The following ZSWIM6 variants were observed in gnomAD, a reference collection of about 807,000 sequenced individuals.
ZSWIM6 encodes the protein zinc finger SWIM domain-containing protein 6.
Under a neutral mutation model 113.2 loss-of-function variants are expected in ZSWIM6, and 9 were observed. The ratio of observed to expected loss-of-function variants is 0.08; its 90% CI spans 0.05 to 0.14. The LOEUF is 0.14. Among genes scored for constraint, ZSWIM6 ranks in the 10% least tolerant of loss-of-function variants. The pLI, the probability that ZSWIM6 is intolerant of heterozygous loss-of-function variation, is 1.00. For missense variants in ZSWIM6, 1,162 were observed against 1,552.2 expected, an observed-to-expected ratio of 0.75 and a Z score of 4.22; for synonymous variants, 611 against 606.5, an observed-to-expected ratio of 1.01 and a Z score of -0.11.
At chr5:61,529,131 C>G (rs1266928486) in intron 7 of ZSWIM6, among the ~76,000 whole-genome samples, 2 of 152,136 alleles carry the variant, frequency 1.3e-5, no homozygotes, top group African/African-American at 4.8e-5. Flanking sequence ...CGCTTGAACC[C>G]GGGAGGTGGA....
rs116325508 is a variant in ZSWIM6 at position 61,344,848 on chromosome 5, A to C, written c.676+11900A>C. 7.7e-3 allele frequency among the ~76,000 whole-genome samples: 1,179 copies of C among 152,278 alleles called. 9 individuals are homozygous for C. The highest frequency in any genetic ancestry group is 0.027 in the African/African-American group (1,128 of 41,550). ...AACTTTCAGATATCAAACAAAACTA[A>C]ATTTCAGACATATTCTGTGCTGTGG... On this transcript the variant is annotated intron_variant, in intron 1 of 13. Transcript: ENST00000252744.
chr5:61,534,123 C>T (rs1749514928), intron 9 of ZSWIM6, among the ~76,000 whole-genome samples: 1 of 152,040 alleles, frequency 6.6e-6, no homozygotes, highest in African/African-American at 2.4e-5. Flanking sequence ...ACATATTTAG[C>T]CTGTAACAGT....
intron 10 of ZSWIM6, among the ~76,000 whole-genome samples, chr5:61,535,875 C>G (rs1004261205): frequency 2.6e-5 from 4 of 152,160 alleles, no homozygotes; most frequent in African/African-American, 9.7e-5. Flanking sequence ...TTTCGTGAAG[C>G]ACAATTCAAG....
intron 1 of ZSWIM6, among the ~76,000 whole-genome samples, chr5:61,360,519 G>A (rs2112052256): frequency 6.6e-6 from 1 of 152,318 alleles, no homozygotes; most frequent in South Asian, 2.1e-4. Flanking sequence ...GTGAATCCAG[G>A]CAGTGTGGTT....
intron 1 of ZSWIM6, among the ~76,000 whole-genome samples, chr5:61,408,359 G>A (rs952561631): frequency 1.3e-5 from 2 of 152,168 alleles, no homozygotes; most frequent in Non-Finnish European, 2.9e-5. Flanking sequence ...TGAAGCTATT[G>A]TCTCTTGACA....
intron 4 of ZSWIM6, among the ~76,000 whole-genome samples, chr5:61,506,596 A>AT (rs905894703): frequency 6.6e-6 from 1 of 151,950 alleles, no homozygotes; most frequent in African/African-American, 2.4e-5. Flanking sequence ...AAAAAAAGTT[A>AT]TTTTCCAAAC....
At chr5:61,434,239 A>G (rs1011665260) in intron 1 of ZSWIM6, among the ~76,000 whole-genome samples, 1 of 148,936 alleles carries the variant, frequency 6.7e-6, no homozygotes, top group Non-Finnish European at 1.5e-5. Flanking sequence ...ACATATATAC[A>G]CATAGTAAAA....
chr5:61,444,514 A>T (rs1381471335), intron 1 of ZSWIM6, among the ~76,000 whole-genome samples: 1 of 152,110 alleles, frequency 6.6e-6, no homozygotes, highest in African/African-American at 2.4e-5. Flanking sequence ...ATCCCTGAGA[A>T]ATCGCCACAC....
At chr5:61,424,876 C>T (rs747036468) in intron 1 of ZSWIM6, among the ~76,000 whole-genome samples, 5 of 151,866 alleles carry the variant, frequency 3.3e-5, no homozygotes, top group South Asian at 2.1e-4. Flanking sequence ...TACAGGCGCC[C>T]GCCACCACGC....
intron 5 of ZSWIM6, among the ~76,000 whole-genome samples, chr5:61,524,101 A>G (rs1235147959): frequency 1.3e-5 from 2 of 152,256 alleles, no homozygotes; most frequent in Non-Finnish European, 2.9e-5. Flanking sequence ...TGAAATGACA[A>G]AAGATACTTA....
intron 1 of ZSWIM6, among the ~76,000 whole-genome samples, chr5:61,434,178 A>G (rs1241574384): frequency 2.0e-5 from 3 of 147,540 alleles, no homozygotes; most frequent in Non-Finnish European, 4.5e-5. Context: ...TATATATACT[A>G]TATATAACAT....
At chr5:61,517,801 A>AT (rs1172217933) in intron 4 of ZSWIM6, among the ~76,000 whole-genome samples, 22 of 149,844 alleles carry the variant, frequency 1.5e-4, no homozygotes, top group South Asian at 4.2e-4. Context: ...TTATTTATTT[A>AT]TTATTATTAT....
intron 1 of ZSWIM6, among the ~76,000 whole-genome samples, chr5:61,434,283 C>T (rs1746654348): frequency 6.7e-6 from 1 of 149,972 alleles, no homozygotes; most frequent in Non-Finnish European, 1.5e-5. Context: ...CTTTTTAATA[C>T]TACAGTTACT....
At position 61,474,160 on chromosome 5, in the gene ZSWIM6, G is replaced by A. The variant is rs545072181; in HGVS notation, c.1033+1123G>A. On this transcript the variant is annotated intron_variant, in intron 2 of 13. Coordinates refer to ENST00000252744, the MANE Select transcript of ZSWIM6 (RefSeq NM_020928.2). ...GTTTTATAGTAATCACTTCTTTGGC[G>A]GTTTGTGTTTTGTTGTTTTTGACAT... is the stretch of plus-strand genomic sequence containing the variant. Among the ~76,000 whole-genome samples, 7 of 152,036 alleles carry A rather than the reference G, an allele frequency of 4.6e-5. No homozygotes were observed. In the East Asian group the frequency reaches 7.7e-4, roughly 17 times the overall value.
chr5:61,541,701 G>A (rs922716027), intron 12 of ZSWIM6, among the ~76,000 whole-genome samples, 183 bp from the exon 13 acceptor site: 1 of 152,232 alleles, frequency 6.6e-6, no homozygotes, highest in Non-Finnish European at 1.5e-5. Context: ...GCTGTGGCAA[G>A]GCCACCTGGG....
chr5:61,396,601 A>G (rs969840775), intron 1 of ZSWIM6, among the ~76,000 whole-genome samples: 6 of 151,844 alleles, frequency 4.0e-5, no homozygotes, highest in African/African-American at 1.5e-4. Flanking sequence ...TTTAACTTGG[A>G]AATTCTGAAC....
At chr5:61,353,873 G>A (rs1744841505) in intron 1 of ZSWIM6, among the ~76,000 whole-genome samples, 1 of 152,222 alleles carries the variant, frequency 6.6e-6, no homozygotes, top group Non-Finnish European at 1.5e-5. Flanking sequence ...GTGTGAGGCA[G>A]TAGAGGTGCA....
At chr5:61,432,535 A>G (rs1208488252) in intron 1 of ZSWIM6, among the ~76,000 whole-genome samples, 9 of 152,212 alleles carry the variant, frequency 5.9e-5, no homozygotes, top group Non-Finnish European at 1.3e-4. Context: ...CAGCTGGCTT[A>G]TTAGCCTTGG....
intron 1 of ZSWIM6, among the ~76,000 whole-genome samples, chr5:61,345,478 A>C (rs1157006243): frequency 6.6e-6 from 1 of 152,216 alleles, no homozygotes; most frequent in Non-Finnish European, 1.5e-5. Flanking sequence ...TTCTTGAGTA[A>C]TTTTGGAAAG....
Sources: gnomAD v4.1 joint callset for allele counts (sites outside exome capture counted in the v4.1 genomes callset) on GRCh38, gnomAD v4.1.1 for gene constraint, MANE v1.5 for transcripts, NCBI Gene and HGNC (gene_info 2026-07-23, HGNC 2026-07-21) for gene names.